Variants in ARHGAP10 observed in about 807,000 individuals in gnomAD.
The protein encoded by ARHGAP10 is Rho GTPase activating protein 10, also known as rho GTPase-activating protein 10.
In ARHGAP10, 87 loss-of-function variants were observed where a neutral mutation model predicts 108.6. The observed-to-expected ratio is 0.80, with a 90% CI of 0.67 to 0.96. The LOEUF (loss-of-function observed/expected upper bound fraction) is 0.96. Ranked by LOEUF, ARHGAP10 falls within the 40% of genes least tolerant of loss-of-function variation. The probability of loss-of-function intolerance (pLI) is 0.00; values close to 1 mark genes in which losing one functional copy is unlikely to be tolerated. For synonymous variants in ARHGAP10, 347 were observed against 341.1 expected, an observed-to-expected ratio of 1.02 and a Z score of -0.19; for missense variants, 939 against 954.5, an observed-to-expected ratio of 0.98 and a Z score of 0.21.
At position 148,071,044 on chromosome 4, in the gene ARHGAP10, T is replaced by C. The variant is rs560597129; in HGVS notation, c.2273-949T>C. On this transcript the variant is annotated intron_variant, in intron 22 of 22. Coordinates refer to ENST00000336498, the MANE Select transcript of ARHGAP10 (RefSeq NM_024605.4). The stretch of plus-strand genomic sequence containing the variant: ...CAGATGTATAAGGCTCAGGCTGCCT[T>C]CAGGAGTTTCCCATACAGTGTGGGA... Among the ~76,000 whole-genome samples the C allele has an allele frequency of 1.3e-4, 20 of 152,310 alleles. No individual in the cohort carries two copies. The South Asian group carries it at 4.2e-3, about 32-fold the overall frequency.
intron 1 of ARHGAP10, among the ~76,000 whole-genome samples, chr4:147,768,513 GTAAT>G (rs142744033): frequency 0.015 from 2,272 of 151,480 alleles, 26 homozygotes; most frequent in Non-Finnish European, 0.024. Context: ...AAAAAAAAAA[GTAAT>G]TAAAGGTTGA....
At chr4:148,064,647 T>TCCCAGACCCCAATGCCAGGG (rs1729783577) in intron 22 of ARHGAP10, 140 bp downstream of exon 22, 2 of 664,504 alleles carry the variant, frequency 3.0e-6, no homozygotes, top group African/African-American at 3.7e-5. Context: ...ATTAAGCGGC[T>TCCCAGACCCCAATGCCAGGG]GCGTTAGGCT....
chr4:147,807,666 A>T (rs981288362), intron 1 of ARHGAP10, among the ~76,000 whole-genome samples: 1 of 152,240 alleles, frequency 6.6e-6, no homozygotes, highest in Non-Finnish European at 1.5e-5. Flanking sequence ...TTATATATCA[A>T]ACTTGTAATA....
At chr4:148,005,543 A>G (rs1756716877) in intron 18 of ARHGAP10, among the ~76,000 whole-genome samples, 2 of 152,240 alleles carry the variant, frequency 1.3e-5, no homozygotes, top group African/African-American at 4.8e-5. Context: ...AGCCAACTAA[A>G]TGGCTATTAA....
chr4:148,061,148 A>G (rs1729602463), intron 20 of ARHGAP10, among the ~76,000 whole-genome samples: 1 of 151,512 alleles, frequency 6.6e-6, no homozygotes, highest in Non-Finnish European at 1.5e-5. Flanking sequence ...TACCTATAAA[A>G]TTTATGCTCT....
chr4:147,901,474 T>C (rs1331264204), intron 10 of ARHGAP10, among the ~76,000 whole-genome samples: 1 of 152,234 alleles, frequency 6.6e-6, no homozygotes, highest in African/African-American at 2.4e-5. Flanking sequence ...TGCCAAAATA[T>C]AAACAAATGG....
intron 18 of ARHGAP10, among the ~76,000 whole-genome samples, chr4:147,983,432 G>A (rs901982219): frequency 6.6e-6 from 1 of 151,796 alleles, no homozygotes. Context: ...TGATCCGCCC[G>A]CCTCCTCCTC....
chr4:147,988,173 T>C (rs1740113893), intron 18 of ARHGAP10, among the ~76,000 whole-genome samples: 1 of 152,236 alleles, frequency 6.6e-6, no homozygotes, highest in Non-Finnish European at 1.5e-5. Context: ...GGAGCGTGTG[T>C]GTCTGGTCAA....
At chr4:147,885,427 T>C (rs1269017280) in intron 10 of ARHGAP10, among the ~76,000 whole-genome samples, 2 of 152,168 alleles carry the variant, frequency 1.3e-5, no homozygotes, top group East Asian at 1.9e-4. Flanking sequence ...GTCATGAGAA[T>C]AGCATGGGAA....
chr4:147,839,130 A>ATCTG (rs1421305286), intron 3 of ARHGAP10, among the ~76,000 whole-genome samples: 15 of 147,886 alleles, frequency 1.0e-4, no homozygotes, highest in African/African-American at 2.6e-4. Context: ...CTATCTATCT[A>ATCTG]TCTATCTATC....
At position 147,857,637 on chromosome 4, in the gene ARHGAP10, GACTC is replaced by G. The variant is rs752138424; in HGVS notation, c.472_475del (p.Ser158IlefsTer9). On this transcript the variant is annotated frameshift_variant, in exon 5 of 23. Coordinates refer to ENST00000336498, the MANE Select transcript of ARHGAP10 (RefSeq NM_024605.4). LOFTEE classifies it high-confidence loss of function. ...TTTGAATTTATCAGCAAAAAAGAAA[GACTC>G]ACATTTACAAGAGGTATAATTTTTT... The G allele has an allele frequency of 1.8e-5, 27 of 1,488,768 alleles. No homozygotes were observed. The Admixed American group carries it at 2.6e-4, about 14-fold the overall frequency. 92.2% of individuals were successfully genotyped at this position (1,488,768 alleles called of 1,614,324 possible).
intron 18 of ARHGAP10, among the ~76,000 whole-genome samples, chr4:148,014,862 T>TAAAC (rs914480210): frequency 1.3e-5 from 2 of 152,216 alleles, no homozygotes; most frequent in African/African-American, 4.8e-5. Flanking sequence ...AAATAAAACA[T>TAAAC]AAACAAAATT....
chr4:148,064,540 C>T (rs751554262), intron 22 of ARHGAP10, 33 bp downstream of exon 22: 1 of 1,577,584 alleles, frequency 6.3e-7, no homozygotes, highest in Non-Finnish European at 8.7e-7. Flanking sequence ...TCTGTTAATC[C>T]TGTCCGCAGG....
chr4:147,938,591 T>C (rs1222445053), intron 13 of ARHGAP10, among the ~76,000 whole-genome samples: 2 of 152,198 alleles, frequency 1.3e-5, no homozygotes, highest in African/African-American at 4.8e-5. Flanking sequence ...GTTTCCTCTC[T>C]TCCTCATGAG....
intron 12 of ARHGAP10, among the ~76,000 whole-genome samples, chr4:147,912,700 G>A (rs1736808399): frequency 9.2e-6 from 1 of 108,542 alleles, no homozygotes; most frequent in South Asian, 3.3e-4. Context: ...CTGTCACCCA[G>A]TGCAGTGGTA....
intron 18 of ARHGAP10, among the ~76,000 whole-genome samples, chr4:147,998,208 T>G (rs76277205): frequency 0.047 from 7,079 of 152,154 alleles, 175 homozygotes; most frequent in South Asian, 0.057. Flanking sequence ...ATAAAAGAGA[T>G]AAACTGTGGG....
chr4:147,790,301 T>G (rs1731067438), intron 1 of ARHGAP10, among the ~76,000 whole-genome samples: 1 of 152,164 alleles, frequency 6.6e-6, no homozygotes, highest in South Asian at 2.1e-4. Flanking sequence ...TCATCTAAAC[T>G]TAATCAACTC....
At chr4:147,875,661 C>T (rs1235875801) in intron 8 of ARHGAP10, among the ~76,000 whole-genome samples, 3 of 152,114 alleles carry the variant, frequency 2.0e-5, no homozygotes, top group Admixed American at 6.5e-5. Flanking sequence ...CATTTTTGTT[C>T]CCACCAGTCT....
chr4:147,735,018 T>C (rs1012710401), intron 1 of ARHGAP10, among the ~76,000 whole-genome samples: 5 of 152,220 alleles, frequency 3.3e-5, no homozygotes, highest in African/African-American at 1.2e-4. Flanking sequence ...TCTTGGAAGA[T>C]TTCAATATGT....
Sources: allele counts gnomAD v4.1 joint callset (sites outside exome capture counted in the v4.1 genomes callset), GRCh38; gene constraint gnomAD v4.1.1; transcripts MANE v1.5; gene names NCBI Gene and HGNC (gene_info 2026-07-23, HGNC 2026-07-21).